The following WARS1 variants were observed in gnomAD, a reference collection of about 807,000 sequenced individuals.
The protein encoded by WARS1 is tryptophanyl-tRNA synthetase 1, also known as tryptophan--tRNA ligase, cytoplasmic.
Under a neutral mutation model 47.8 loss-of-function variants are expected in WARS1, and 17 were observed. The observed-to-expected ratio is 0.36, with a 90% CI of 0.24 to 0.53. The LOEUF (loss-of-function observed/expected upper bound fraction) is 0.53, where lower values mean the gene tolerates loss of function less well. Among genes scored for constraint, WARS1 ranks in the 20% least tolerant of loss-of-function variants. The pLI is 0.91. For synonymous variants in WARS1, 208 were observed against 228.1 expected (o/e 0.91, Z 0.79); for missense variants, 434 against 608.0 (o/e 0.71, Z 3.01).
At chr14:100,338,310 G>A (rs1262447760) in intron 9 of WARS1, among the ~76,000 whole-genome samples, 2 of 151,988 alleles carry the variant, frequency 1.3e-5, no homozygotes, top group Non-Finnish European at 2.9e-5. Flanking sequence ...CTGTTGCCCA[G>A]GCTGGAGTGC....
At chr14:100,363,653 C>G (rs570455586) in intron 2 of WARS1, among the ~76,000 whole-genome samples, 1 of 152,202 alleles carries the variant, frequency 6.6e-6, no homozygotes, top group South Asian at 2.1e-4. Context: ...GCCGAGATTG[C>G]ACCACTGCAC....
intron 10 of WARS1, 149 bp downstream of exon 10, chr14:100,336,913 C>T: frequency 1.1e-5 from 12 of 1,103,848 alleles, no homozygotes; most frequent in Non-Finnish European, 2.5e-6. Flanking sequence ...GGCCTAAAAA[C>T]CATGAGGGCG....
At chr14:100,368,996 C>T in intron 2 of WARS1, 91 bp downstream of exon 2, 1 of 901,458 alleles carries the variant, frequency 1.1e-6, no homozygotes, top group East Asian at 3.1e-5. Flanking sequence ...ACACCTCAGT[C>T]ATTGAGGAAA....
chr14:100,356,824 G>T (rs1312460087), intron 4 of WARS1, among the ~76,000 whole-genome samples: 2 of 152,002 alleles, frequency 1.3e-5, no homozygotes, highest in Non-Finnish European at 2.9e-5. Context: ...CCAAACCAAA[G>T]ACATTAAAAG....
chr14:100,366,434 C>T (rs1228850098), intron 2 of WARS1, among the ~76,000 whole-genome samples: 1 of 152,172 alleles, frequency 6.6e-6, no homozygotes, highest in Non-Finnish European at 1.5e-5. Flanking sequence ...CAGTGCACCC[C>T]CCAAAACACC....
chr14:100,356,322 A>G (rs1895308045), intron 4 of WARS1, among the ~76,000 whole-genome samples: 2 of 151,326 alleles, frequency 1.3e-5, no homozygotes, highest in Non-Finnish European at 2.9e-5. Context: ...ATGCCATGCT[A>G]AGATAAAAAA....
At chr14:100,357,623 GC>G (rs1383644771) in intron 4 of WARS1, among the ~76,000 whole-genome samples, 1 of 152,026 alleles carries the variant, frequency 6.6e-6, no homozygotes, top group Admixed American at 6.6e-5. Context: ...CACCATGCCT[GC>G]CCAATTTTGT....
intron 1 of WARS1, among the ~76,000 whole-genome samples, chr14:100,371,795 C>G (rs1353566718): frequency 6.6e-6 from 1 of 152,110 alleles, no homozygotes; most frequent in Non-Finnish European, 1.5e-5. Flanking sequence ...TGGCTCACAA[C>G]TGCAGTCCAA....
intron 9 of WARS1, 75 bp downstream of exon 9, chr14:100,342,323 G>C (rs746233608): frequency 6.3e-7 from 1 of 1,583,024 alleles, no homozygotes; most frequent in Non-Finnish European, 8.7e-7. Context: ...ACTGCGCAGT[G>C]GTGTGTGTGT....
chr14:100,374,650 A>G (rs545420003), intron 1 of WARS1: 12 of 152,348 alleles, frequency 7.9e-5, no homozygotes, highest in Admixed American at 2.0e-4. Flanking sequence ...GGTGGCATCA[A>G]GACAGCCAAT....
intron 2 of WARS1, among the ~76,000 whole-genome samples, chr14:100,365,164 A>ACACAC (rs1595454921): frequency 1.0e-5 from 1 of 98,648 alleles, no homozygotes; most frequent in African/African-American, 3.7e-5. Context: ...CACACACACA[A>ACACAC]ATAATGATTT....
rs547631216 is a variant in WARS1 at position 100,354,247 on chromosome 14, C to G, written c.542+200G>C. On this transcript the variant is annotated intron_variant, in intron 5 of 10. Coordinates refer to ENST00000392882, the MANE Select transcript of WARS1 (RefSeq NM_004184.4). ...GGAGCAGGCCTGGCTGACTCCAAAG[C>G]TGCGCTCTCCCCATCACTCCATGGT... The G allele has an allele frequency of 5.4e-5, 36 of 666,778 alleles. No homozygotes were observed. In the African/African-American group the frequency reaches 5.8e-4, roughly 11 times the overall value. The allele number at this position is 666,778 out of a possible 1,614,324, so 41.3% of individuals were successfully genotyped here.
intron 4 of WARS1, among the ~76,000 whole-genome samples, chr14:100,357,597 G>A (rs1226080203): frequency 6.6e-6 from 1 of 151,936 alleles, no homozygotes; most frequent in East Asian, 1.9e-4. Flanking sequence ...GGGTAGCTGG[G>A]ATTACAGGCG....
intron 6 of WARS1, among the ~76,000 whole-genome samples, chr14:100,349,611 G>A (rs150404631): frequency 1.6e-3 from 247 of 152,372 alleles, no homozygotes; most frequent in African/African-American, 5.8e-3. Flanking sequence ...GAACATGGAA[G>A]CTCAGAGATT....
chr14:100,367,659 G>T (rs1896088942), intron 2 of WARS1, among the ~76,000 whole-genome samples: 1 of 144,900 alleles, frequency 6.9e-6, no homozygotes, highest in African/African-American at 2.5e-5. Context: ...TGCATCCCAT[G>T]AAATTTCAGA....
intron 7 of WARS1, among the ~76,000 whole-genome samples, chr14:100,344,913 C>T (rs192104177): frequency 0.055 from 8,257 of 149,034 alleles, 388 homozygotes; most frequent in African/African-American, 0.11. Context: ...AAGTGAGGAG[C>T]GTCTCCGCCC....
chr14:100,365,579 CAAA>C lies in WARS1; in HGVS notation c.99+3505_99+3507del, dbSNP rs34591719. On this transcript the variant is annotated intron_variant, in intron 2 of 10. Transcript: ENST00000392882. ...TGGGCGACAGAGTGAGACTCAGCCT[CAAA>C]AAAAAAAAAAAAAAAAAAGTGATGG... is the stretch of plus-strand genomic sequence containing the variant. The C allele has an allele frequency of 4.6e-3, 402 of 86,578 alleles. 1 individual carries two copies. Among genetic ancestry groups the C allele is most frequent in the South Asian group, 0.025 (89 of 3,588 alleles). 5.4% of individuals were successfully genotyped at this position (86,578 alleles called of 1,614,324 possible).
intron 7 of WARS1, 44 bp from the exon 8 acceptor site, chr14:100,343,431 G>C: frequency 7.1e-7 from 1 of 1,404,456 alleles, no homozygotes; most frequent in Non-Finnish European, 9.8e-7. Context: ...ATGAGTTCCT[G>C]TTCTGCTTAG....
chr14:100,369,762 C>T (rs977844521), intron 1 of WARS1, among the ~76,000 whole-genome samples: 23 of 151,840 alleles, frequency 1.5e-4, no homozygotes, highest in Non-Finnish European at 3.2e-4. Flanking sequence ...ACTGCAACCT[C>T]CACCTCTGGG....
Sources: gnomAD v4.1 joint callset for allele counts (sites outside exome capture counted in the v4.1 genomes callset) on GRCh38, gnomAD v4.1.1 for gene constraint, MANE v1.5 for transcripts, NCBI Gene and HGNC (gene_info 2026-07-23, HGNC 2026-07-21) for gene names.